LRRTM4: variants seen among roughly 807,000 people sequenced by gnomAD.
The protein encoded by LRRTM4 is leucine-rich repeat transmembrane neuronal protein 4.
A neutral mutation model predicts 47.6 loss-of-function variants in LRRTM4; 25 were observed. The observed-to-expected ratio is 0.53, with a 90% confidence interval of 0.38 to 0.73. The LOEUF is 0.73. Among genes scored for constraint, LRRTM4 ranks in the 30% least tolerant of loss-of-function variants. The pLI, the probability that LRRTM4 is intolerant of heterozygous loss-of-function variation, is 0.00. For synonymous variants in LRRTM4, 311 were observed against 269.5 expected (o/e 1.15, Z -1.51); for missense variants, 638 against 713.4 (o/e 0.89, Z 1.20).
At chr2:77,185,017 GT>G (rs11338341) in intron 3 of LRRTM4, among the ~76,000 whole-genome samples, 9,216 of 152,078 alleles carry the variant, frequency 0.061, 635 homozygotes, top group African/African-American at 0.17. Context: ...ATCTCTACAT[GT>G]TGTACAGCCA....
intron 3 of LRRTM4, among the ~76,000 whole-genome samples, chr2:76,928,915 A>G (rs1473513689): frequency 6.6e-6 from 1 of 152,136 alleles, no homozygotes; most frequent in Non-Finnish European, 1.5e-5. Flanking sequence ...ATGTTACTCT[A>G]TTTGATTTTA....
At chr2:77,438,511 A>C (rs1675701959) in intron 3 of LRRTM4, among the ~76,000 whole-genome samples, 1 of 140,464 alleles carries the variant, frequency 7.1e-6, no homozygotes, top group South Asian at 2.2e-4. Context: ...GGTTCACGCC[A>C]TTCTCCTTCC....
chr2:77,173,981 T>C (rs1673124838), intron 3 of LRRTM4, among the ~76,000 whole-genome samples: 1 of 152,204 alleles, frequency 6.6e-6, no homozygotes, highest in African/African-American at 2.4e-5. Context: ...AAGACATATC[T>C]TAATAGGATG....
At chr2:77,349,992 T>C (rs1252552413) in intron 3 of LRRTM4, among the ~76,000 whole-genome samples, 1 of 152,074 alleles carries the variant, frequency 6.6e-6, no homozygotes, top group African/African-American at 2.4e-5. Context: ...CTTCAGGAAC[T>C]TCAACTTTTT....
chr2:77,403,852 C>T (rs1674061404), intron 3 of LRRTM4, among the ~76,000 whole-genome samples: 2 of 146,396 alleles, frequency 1.4e-5, no homozygotes, highest in South Asian at 4.2e-4. Flanking sequence ...TGTCTTTATT[C>T]CCCCACTTAA....
At chr2:77,102,633 G>T (rs762205766) in intron 3 of LRRTM4, among the ~76,000 whole-genome samples, 4 of 152,130 alleles carry the variant, frequency 2.6e-5, no homozygotes, top group Non-Finnish European at 5.9e-5. Flanking sequence ...TTAGTTTCAA[G>T]CCAAGAAACT....
intron 3 of LRRTM4, among the ~76,000 whole-genome samples, chr2:76,924,765 C>T (rs994672403): frequency 6.6e-6 from 1 of 152,048 alleles, no homozygotes; most frequent in East Asian, 1.9e-4. Context: ...ATAAGACACA[C>T]ACGCAGACAC....
At chr2:77,099,155 C>G (rs1670885391) in intron 3 of LRRTM4, among the ~76,000 whole-genome samples, 1 of 151,848 alleles carries the variant, frequency 6.6e-6, no homozygotes, top group Admixed American at 6.6e-5. Flanking sequence ...AGAATGTTCA[C>G]AACGGTATGA....
chr2:77,462,385 C>G (rs1156280857), intron 3 of LRRTM4, among the ~76,000 whole-genome samples: 1 of 152,108 alleles, frequency 6.6e-6, no homozygotes, highest in Non-Finnish European at 1.5e-5. Flanking sequence ...ATAGGAATTA[C>G]TGTGGCTTAG....
intron 3 of LRRTM4, among the ~76,000 whole-genome samples, chr2:76,793,604 G>A (rs1019481164): frequency 2.0e-5 from 3 of 151,202 alleles, no homozygotes; most frequent in Non-Finnish European, 4.4e-5. Flanking sequence ...TGTGCTCTCG[G>A]TAAGTTAAGT....
chr2:76,976,637 T>C lies in LRRTM4; in HGVS notation c.1552-227721A>G, dbSNP rs149344137. On this transcript the variant is annotated intron_variant, in intron 3 of 3. Coordinates refer to ENST00000409884, the MANE Select transcript of LRRTM4 (RefSeq NM_001134745.3). ...CATTTCTCTACTCACCCACACCATT[T>C]ATCTGATTTCATCCATTTCTATGGC... Among the ~76,000 whole-genome samples the C allele has an allele frequency of 1.4e-4, 22 of 151,890 alleles. No homozygotes were observed. In the East Asian group the frequency reaches 4.1e-3, roughly 28 times the overall value.
intron 3 of LRRTM4, among the ~76,000 whole-genome samples, chr2:77,084,009 G>A (rs953179518): frequency 5.3e-5 from 8 of 151,612 alleles, no homozygotes; most frequent in Admixed American, 4.6e-4. Context: ...GTTTCACCAT[G>A]TTAGCAAGGA....
At chr2:77,202,980 C>T (rs569744879) in intron 3 of LRRTM4, among the ~76,000 whole-genome samples, 79 of 152,080 alleles carry the variant, frequency 5.2e-4, no homozygotes, top group African/African-American at 1.5e-3. Flanking sequence ...TGACCGTATT[C>T]CCCACCTGGC....
chr2:77,112,977 T>C (rs1380162752), intron 3 of LRRTM4, among the ~76,000 whole-genome samples: 2 of 152,152 alleles, frequency 1.3e-5, no homozygotes, highest in South Asian at 2.1e-4. Context: ...TTCAACCCCG[T>C]CTTGTAATTT....
intron 3 of LRRTM4, among the ~76,000 whole-genome samples, chr2:77,002,257 G>T (rs1033375097): frequency 1.3e-5 from 2 of 151,964 alleles, no homozygotes; most frequent in African/African-American, 4.8e-5. Flanking sequence ...CTAAAATTGG[G>T]GACTGCAAAG....
chr2:77,093,392 C>T (rs1205463558), intron 3 of LRRTM4, among the ~76,000 whole-genome samples: 1 of 151,026 alleles, frequency 6.6e-6, no homozygotes, highest in Non-Finnish European at 1.5e-5. Context: ...TATTTAGTTT[C>T]TCAATTCATC....
chr2:77,329,242 A>T (rs376321894), intron 3 of LRRTM4, among the ~76,000 whole-genome samples: 1 of 152,182 alleles, frequency 6.6e-6, no homozygotes, highest in East Asian at 1.9e-4. Flanking sequence ...TTTACATAAA[A>T]TTGTACCTTT....
chr2:76,976,202 T>C (rs1676413026), intron 3 of LRRTM4, among the ~76,000 whole-genome samples: 1 of 151,842 alleles, frequency 6.6e-6, no homozygotes, highest in Admixed American at 6.6e-5. Context: ...TTTGCTTGCT[T>C]ATCGTGTCAT....
At chr2:77,304,675 T>C (rs778525314) in intron 3 of LRRTM4, among the ~76,000 whole-genome samples, 2 of 152,266 alleles carry the variant, frequency 1.3e-5, no homozygotes, top group African/African-American at 2.4e-5. Flanking sequence ...ATTGAGTTAA[T>C]ATAATAACTA....
Sources: allele counts gnomAD v4.1 joint callset (sites outside exome capture counted in the v4.1 genomes callset), GRCh38; gene constraint gnomAD v4.1.1; transcripts MANE v1.5; gene names NCBI Gene and HGNC (gene_info 2026-07-23, HGNC 2026-07-21).